Variants in NOTCH1 observed in about 807,000 individuals in gnomAD.
NOTCH1 encodes the protein neurogenic locus notch homolog protein 1.
NOTCH1 carries 37 observed loss-of-function variants against 254.8 expected under a neutral mutation model. That is an observed-to-expected ratio of 0.15 (90% CI 0.11 to 0.19). NOTCH1 has a LOEUF of 0.19. Among genes scored for constraint, NOTCH1 ranks in the 10% least tolerant of loss-of-function variants. The pLI is 1.00. For missense variants in NOTCH1, 2,972 were observed against 3,708.6 expected, an observed-to-expected ratio of 0.80 and a Z score of 5.16; for synonymous variants, 1,731 against 1,618.1, an observed-to-expected ratio of 1.07 and a Z score of -1.68.
intron 12 of NOTCH1, 83 bp from the exon 13 acceptor site, chr9:136,514,785 G>C: frequency 7.2e-7 from 1 of 1,383,928 alleles, no homozygotes; most frequent in South Asian, 1.2e-5. Context: ...TGTCTGTTGA[G>C]CCGGGGCGAT....
rs2133347736 is a variant in NOTCH1 at position 136,508,379 on chromosome 9, C to T, written c.3178G>A (p.Val1060Met). 6.2e-7 allele frequency: 1 copy of T among 1,613,214 alleles called. No homozygotes were observed. The highest frequency in any genetic ancestry group is 1.7e-5 in the Admixed American group (1 of 60,028). Residue 1060 changes from valine (V) to methionine (M), a missense_variant, in exon 20 of 34, where the codon GTG becomes ATG. By Grantham distance (21) the Val-to-Met change is conservative. Coordinates refer to ENST00000651671, the MANE Select transcript of NOTCH1 (RefSeq NM_017617.5). The stretch of plus-strand genomic sequence containing the variant: ...CAGGGCGAGGAGTCACACCAGTGCA[C>T]AAGGTTCTGGGGACAGATTGGGGTC... ...GYTGPNCQNL[V>M]HWCDSSPCKN...
intron 5 of NOTCH1, 55 bp downstream of exon 5, chr9:136,519,388 A>G: frequency 6.2e-7 from 1 of 1,607,022 alleles, no homozygotes; most frequent in South Asian, 1.1e-5. Flanking sequence ...CAGTTTAGTA[A>G]GTGGGTAGCA....
At chr9:136,518,845 C>T (rs776437276) in intron 5 of NOTCH1, 21 bp from the exon 6 acceptor site, 25 of 1,605,386 alleles carry the variant, frequency 1.6e-5, no homozygotes, top group South Asian at 3.3e-5. Context: ...CAGGAGCTGT[C>T]GGCCCCGGGC....
chr9:136,537,704 G>A (rs940628262), intron 2 of NOTCH1, among the ~76,000 whole-genome samples: 3 of 152,218 alleles, frequency 2.0e-5, no homozygotes, highest in African/African-American at 7.2e-5. Context: ...GCGGAGGCAG[G>A]AGGATCGCTT....
chr9:136,518,454 C>T, intron 6 of NOTCH1, 137 bp downstream of exon 6: 1 of 1,113,230 alleles, frequency 9.0e-7, no homozygotes, highest in Non-Finnish European at 1.3e-6. Flanking sequence ...CTCACAGCGA[C>T]CACCGGCCTC....
In NOTCH1 at chr9:136,524,209, A is replaced by G. The variant is rs4489421; in HGVS notation, c.141-230T>C. Among the ~76,000 whole-genome samples, 93,328 of 152,130 alleles carry G rather than the reference A, an allele frequency of 0.61. 30,663 individuals carry two copies. The highest frequency in any genetic ancestry group is 0.84 in the African/African-American group (35,060 of 41,518). ...ACTGAATGCCACTGAATGAGGCTGAAGCAGGAGAATCACTTGAACCCAGGA... is the reference window on the plus strand; with the variant it reads ...ACTGAATGCCACTGAATGAGGCTGAGGCAGGAGAATCACTTGAACCCAGGA... On this transcript the variant is annotated intron_variant, in intron 2 of 33. Coordinates refer to ENST00000651671, the MANE Select transcript of NOTCH1 (RefSeq NM_017617.5).
At chr9:136,541,288 T>C (rs1843729119) in intron 2 of NOTCH1, among the ~76,000 whole-genome samples, 1 of 152,182 alleles carries the variant, frequency 6.6e-6, no homozygotes, top group Non-Finnish European at 1.5e-5. Flanking sequence ...TCCCGGGCCC[T>C]GCAACCACCT....
intron 19 of NOTCH1, 77 bp downstream of exon 19, chr9:136,508,793 T>A: frequency 7.2e-7 from 1 of 1,395,924 alleles, no homozygotes; most frequent in Non-Finnish European, 9.7e-7. Context: ...GGACCTGGGG[T>A]GACCGTTCCC....
Position 136,497,312 on chromosome 9 carries a change from T to G in NOTCH1, c.6427A>C (p.Asn2143His), listed in dbSNP as rs1842932672. The change falls in exon 34 of 34, where the codon AAC (asparagine) becomes CAC (histidine). Residue 2143 changes from asparagine (N) to histidine (H), a missense_variant. Asn to His is a moderately conservative substitution (Grantham distance 68). Coordinates refer to ENST00000651671, the MANE Select transcript of NOTCH1 (RefSeq NM_017617.5). The part of the protein sequence containing the change: ...PTLSPPLCSP[N>H]GYLGSLKPGV... ...GGCTTGAGGCTGCCCAGGTAGCCGTTGGGCGAGCAGAGCGGGGGCGACAGG... is the reference window on the plus strand; with the variant it reads ...GGCTTGAGGCTGCCCAGGTAGCCGTGGGGCGAGCAGAGCGGGGGCGACAGG... 6.2e-7 allele frequency: 1 copy of G among 1,607,446 alleles called. No individual in the cohort carries two copies. The highest frequency in any genetic ancestry group is 8.5e-7 in the Non-Finnish European group (1 of 1,179,716).
At chr9:136,500,463 C>T (rs958050514) in intron 31 of NOTCH1, 89 bp downstream of exon 31, 1 of 1,524,310 alleles carries the variant, frequency 6.6e-7, no homozygotes, top group African/African-American at 1.4e-5. Flanking sequence ...CGGGGTCAGG[C>T]TCCCAGGGCC....
chr9:136,497,661 G>C, intron 33 of NOTCH1, 103 bp from the exon 34 acceptor site: 3 of 977,172 alleles, frequency 3.1e-6, no homozygotes, highest in Non-Finnish European at 4.4e-6. Context: ...CCTCCTCCGC[G>C]GGGTGGGGGC....
chr9:136,528,894 G>A (rs1016485247), intron 2 of NOTCH1, among the ~76,000 whole-genome samples: 16 of 152,128 alleles, frequency 1.1e-4, no homozygotes, highest in Non-Finnish European at 2.4e-4. Context: ...CCGTGGCCAC[G>A]TCCTGCAGGA....
At chr9:136,508,539 C>T (rs1226679224) in intron 19 of NOTCH1, among the ~76,000 whole-genome samples, 154 bp from the exon 20 acceptor site, 2 of 152,190 alleles carry the variant, frequency 1.3e-5, no homozygotes, top group Non-Finnish European at 2.9e-5. Context: ...ACCACCCCCA[C>T]ACCAGGAACA....
chr9:136,529,056 C>T (rs994886092), intron 2 of NOTCH1, among the ~76,000 whole-genome samples: 11 of 152,198 alleles, frequency 7.2e-5, no homozygotes, highest in African/African-American at 2.7e-4. Flanking sequence ...GGGGCACCCC[C>T]ACGCCCTCCC....
chr9:136,501,958 C>T (rs765517134), intron 29 of NOTCH1, 43 bp downstream of exon 29: 7 of 1,611,510 alleles, frequency 4.3e-6, no homozygotes, highest in Non-Finnish European at 3.4e-6. Context: ...AGCCCGGCAG[C>T]AGGTGCCCGG....
rs139772121 is a variant in NOTCH1, at chr9:136,504,653, G to T, written c.5018+20C>A. 6.7e-7 allele frequency: 1 copy of T among 1,491,036 alleles called. No homozygotes were observed. The highest frequency in any genetic ancestry group is 1.3e-5 in the South Asian group (1 of 74,648). 92.4% of individuals were successfully genotyped at this position (1,491,036 alleles called of 1,614,324 possible). On this transcript the variant is annotated intron_variant, in intron 26 of 33. Coordinates refer to ENST00000651671, the MANE Select transcript of NOTCH1 (RefSeq NM_017617.5). ...CAGGAGAGTTGCGGGGATTGACCGT[G>T]GGCGCCGGGTCTCACTCACCCGCGG...
chr9:136,538,740 A>G (rs1333140947), intron 2 of NOTCH1, among the ~76,000 whole-genome samples: 1 of 152,206 alleles, frequency 6.6e-6, no homozygotes, highest in Non-Finnish European at 1.5e-5. Context: ...TGCGCTGGGG[A>G]TGAAAACTGC....
At position 136,496,509 on chromosome 9, in the gene NOTCH1, C is replaced by A. The variant is rs199839390; in HGVS notation, c.7230G>T (p.Pro2410=). ...GGTGCGGCTGTGGTGGTGGTGGTGGCGGCTGCAGGCTTTGCTGCTGCTGGA... is the reference window on the plus strand; with the variant it reads ...GGTGCGGCTGTGGTGGTGGTGGTGGAGGCTGCAGGCTTTGCTGCTGCTGGA... ...ANIQQQQSLQ[P]PPPPPQPHLG... Residue 2410 remains proline (P), a synonymous_variant, in exon 34 of 34, where the codon CCG becomes CCT. Coordinates refer to ENST00000651671, the MANE Select transcript of NOTCH1 (RefSeq NM_017617.5). 10 of 1,602,964 alleles carry A rather than the reference C, an allele frequency of 6.2e-6. No homozygotes were observed. The highest frequency in any genetic ancestry group is 8.5e-6 in the Non-Finnish European group (10 of 1,179,880).
At chr9:136,514,741 C>A (rs1305181032) in intron 12 of NOTCH1, 39 bp from the exon 13 acceptor site, 2 of 1,593,576 alleles carry the variant, frequency 1.3e-6, no homozygotes, top group Non-Finnish European at 8.6e-7. Context: ...GCCCAGCGCC[C>A]AGGGGGTCCC....
Sources: gnomAD v4.1 joint callset for allele counts (sites outside exome capture counted in the v4.1 genomes callset) on GRCh38, gnomAD v4.1.1 for gene constraint, MANE v1.5 for transcripts, NCBI Gene and HGNC (gene_info 2026-07-23, HGNC 2026-07-21) for gene names.